Variants in GALNTL6 observed in about 807,000 individuals in gnomAD.
The protein encoded by GALNTL6 is polypeptide N-acetylgalactosaminyltransferase-like 6.
A neutral mutation model predicts 73.7 loss-of-function variants in GALNTL6; 46 were observed. That is an observed-to-expected ratio of 0.62 (90% confidence interval 0.49 to 0.80). GALNTL6 has a LOEUF of 0.80. Among genes scored for constraint, GALNTL6 ranks in the 30% least tolerant of loss-of-function variants. The probability of loss-of-function intolerance (pLI) is 0.00; values close to 1 mark genes in which losing one functional copy is unlikely to be tolerated. For synonymous variants in GALNTL6, 259 were observed against 263.7 expected (o/e 0.98, Z 0.17); for missense variants, 604 against 755.0 (o/e 0.80, Z 2.34).
intron 5 of GALNTL6, among the ~76,000 whole-genome samples, chr4:172,570,846 C>T (rs995804410): frequency 6.6e-6 from 1 of 152,062 alleles, no homozygotes; most frequent in African/African-American, 2.4e-5. Context: ...TAGATGGTCC[C>T]ATCTGGGGGT....
At chr4:172,116,026 T>C (rs1340440478) in intron 2 of GALNTL6, among the ~76,000 whole-genome samples, 1 of 152,028 alleles carries the variant, frequency 6.6e-6, no homozygotes, top group Non-Finnish European at 1.5e-5. Flanking sequence ...TCTACCTAGA[T>C]ACAATAGGTT....
chr4:172,161,072 G>A (rs1040337456), intron 2 of GALNTL6, among the ~76,000 whole-genome samples: 1 of 151,848 alleles, frequency 6.6e-6, no homozygotes, highest in African/African-American at 2.4e-5. Flanking sequence ...GATAAAGGAA[G>A]ATTTAGAGAC....
intron 12 of GALNTL6, among the ~76,000 whole-genome samples, chr4:173,037,768 A>C (rs925806500): frequency 6.6e-6 from 1 of 150,690 alleles, no homozygotes; most frequent in Non-Finnish European, 1.5e-5. Context: ...TTTGAGACAG[A>C]GTCTTGCTCT....
intron 2 of GALNTL6, among the ~76,000 whole-genome samples, chr4:171,901,941 G>A (rs544312397): frequency 5.9e-5 from 9 of 151,908 alleles, no homozygotes; most frequent in Non-Finnish European, 1.3e-4. Flanking sequence ...ATAAATAACT[G>A]GATTTTGGAC....
At chr4:172,310,411 C>T (rs1398326141) in intron 3 of GALNTL6, among the ~76,000 whole-genome samples, 1 of 152,012 alleles carries the variant, frequency 6.6e-6, no homozygotes, top group Non-Finnish European at 1.5e-5. Context: ...GCTGAGATTG[C>T]AGGTGTGTGC....
intron 5 of GALNTL6, among the ~76,000 whole-genome samples, chr4:172,430,084 T>C (rs1469037871): frequency 6.6e-6 from 1 of 151,892 alleles, no homozygotes; most frequent in Non-Finnish European, 1.5e-5. Context: ...TGTGTATATA[T>C]ATATATACAT....
chr4:172,541,991 T>C (rs1007139446), intron 5 of GALNTL6, among the ~76,000 whole-genome samples: 2 of 151,828 alleles, frequency 1.3e-5, no homozygotes, highest in South Asian at 2.1e-4. Flanking sequence ...AGCAGCTACA[T>C]TGTCTGAGGT....
intron 2 of GALNTL6, among the ~76,000 whole-genome samples, chr4:172,087,451 A>C (rs1164910284): frequency 2.1e-5 from 3 of 144,054 alleles, no homozygotes; most frequent in South Asian, 2.2e-4. Flanking sequence ...TCCCAAAAAA[A>C]AAAAAAACAA....
chr4:172,329,664 G>C (rs940477944), intron 4 of GALNTL6, among the ~76,000 whole-genome samples: 1 of 152,170 alleles, frequency 6.6e-6, no homozygotes, highest in African/African-American at 2.4e-5. Context: ...CTGTAGAGCT[G>C]CTGCACTGTG....
chr4:171,838,483 C>T (rs1735160651), intron 2 of GALNTL6, among the ~76,000 whole-genome samples: 1 of 151,952 alleles, frequency 6.6e-6, no homozygotes, highest in South Asian at 2.1e-4. Context: ...TATTGTTCTC[C>T]CTTTTTCTCT....
intron 3 of GALNTL6, among the ~76,000 whole-genome samples, chr4:172,286,523 A>G (rs1392405438): frequency 6.6e-6 from 1 of 152,220 alleles, no homozygotes; most frequent in Non-Finnish European, 1.5e-5. Context: ...GAAGTTCAAT[A>G]CAGCAAATCT....
intron 2 of GALNTL6, among the ~76,000 whole-genome samples, chr4:172,014,876 G>A (rs1005381827): frequency 7.9e-5 from 12 of 151,998 alleles, no homozygotes; most frequent in African/African-American, 2.9e-4. Context: ...TCCATTCGGA[G>A]TGAATTTCCA....
intron 2 of GALNTL6, among the ~76,000 whole-genome samples, chr4:171,817,152 A>G (rs889142981): frequency 6.6e-6 from 1 of 152,036 alleles, no homozygotes; most frequent in African/African-American, 2.4e-5. Flanking sequence ...TAATGTGCAG[A>G]TCAAAGCACT....
chr4:172,016,456 T>C (rs886732156), intron 2 of GALNTL6, among the ~76,000 whole-genome samples: 15 of 152,026 alleles, frequency 9.9e-5, no homozygotes, highest in Non-Finnish European at 2.1e-4. Flanking sequence ...ATCTGAAAAA[T>C]TTTTCATCCA....
chr4:172,779,150 C>T (rs1353035097), intron 5 of GALNTL6, among the ~76,000 whole-genome samples: 1 of 152,130 alleles, frequency 6.6e-6, no homozygotes, highest in Non-Finnish European at 1.5e-5. Flanking sequence ...ATAGTAAGCA[C>T]TCCAAGTATT....
At chr4:172,412,120 G>T (rs968668845) in intron 5 of GALNTL6, among the ~76,000 whole-genome samples, 1 of 152,008 alleles carries the variant, frequency 6.6e-6, no homozygotes, top group Non-Finnish European at 1.5e-5. Context: ...ACAGCTCACT[G>T]CAGCCTCAAC....
intron 2 of GALNTL6, among the ~76,000 whole-genome samples, chr4:172,224,449 G>C (rs955787352): frequency 2.0e-5 from 3 of 152,180 alleles, no homozygotes; most frequent in African/African-American, 4.8e-5. Context: ...TTCACTGATT[G>C]ATTTATGAAA....
At chr4:171,977,771 T>C (rs1483126279) in intron 2 of GALNTL6, among the ~76,000 whole-genome samples, 2 of 152,228 alleles carry the variant, frequency 1.3e-5, no homozygotes, top group African/African-American at 2.4e-5. Context: ...TTCTCTGATA[T>C]ATCAAACTAC....
intron 5 of GALNTL6, among the ~76,000 whole-genome samples, chr4:172,717,058 C>T (rs1472408792): frequency 6.6e-6 from 1 of 152,044 alleles, no homozygotes; most frequent in Non-Finnish European, 1.5e-5. Context: ...GAATTAAATT[C>T]CTGGGCCTCA....
Sources: allele counts gnomAD v4.1 joint callset (sites outside exome capture counted in the v4.1 genomes callset), GRCh38; gene constraint gnomAD v4.1.1; transcripts MANE v1.5; gene names NCBI Gene and HGNC (gene_info 2026-07-23, HGNC 2026-07-21).